ALDH5A1: variants seen among roughly 807,000 people sequenced by gnomAD.
ALDH5A1 encodes the protein aldehyde dehydrogenase 5 family member A1, also known as succinate-semialdehyde dehydrogenase, mitochondrial.
Under a neutral mutation model 54.7 loss-of-function variants are expected in ALDH5A1, and 33 were observed. The observed-to-expected ratio is 0.60, with a 90% CI of 0.46 to 0.81. The LOEUF (loss-of-function observed/expected upper bound fraction) is 0.81, where lower values mean the gene tolerates loss of function less well. Ranked by LOEUF, ALDH5A1 falls within the 30% of genes least tolerant of loss-of-function variation. The pLI is 0.00. For missense variants in ALDH5A1, 657 were observed against 711.0 expected (o/e 0.92, Z 0.86); for synonymous variants, 294 against 292.7 (o/e 1.00, Z -0.05).
chr6:24,523,941 G>A (rs1581820802), intron 7 of ALDH5A1, among the ~76,000 whole-genome samples: 1 of 150,018 alleles, frequency 6.7e-6, no homozygotes, highest in African/African-American at 2.4e-5. Context: ...CCATTTTGGA[G>A]TCACAAGAAA....
intron 5 of ALDH5A1, among the ~76,000 whole-genome samples, chr6:24,519,684 C>T (rs1015244406): frequency 6.6e-6 from 1 of 151,502 alleles, no homozygotes; most frequent in African/African-American, 2.4e-5. Context: ...AGATAGACGT[C>T]CCAAATATGT....
At chr6:24,499,888 T>C (rs1228963001) in intron 1 of ALDH5A1, among the ~76,000 whole-genome samples, 2 of 152,128 alleles carry the variant, frequency 1.3e-5, no homozygotes, top group Admixed American at 1.3e-4. Context: ...CTGGATCTCA[T>C]GACCTCATGA....
chr6:24,495,369 A>AG lies in ALDH5A1; in HGVS notation c.354+24dup. ...CGCCAAGGTGAGAGAGCCCGGATGC[A>AG]GGGGGCCAGAGCTGGCCGGGGACAC... is the stretch of plus-strand genomic sequence containing the variant. On this transcript the variant is annotated intron_variant, in intron 1 of 9. Coordinates refer to ENST00000357578, the MANE Select transcript of ALDH5A1 (RefSeq NM_001080.3). 6.5e-7 allele frequency: 1 copy of AG among 1,531,172 alleles called. No individual in the cohort carries two copies. Among genetic ancestry groups the AG allele is most frequent in the Non-Finnish European group, 8.7e-7 (1 of 1,145,212 alleles). 94.8% of individuals were successfully genotyped at this position (1,531,172 alleles called of 1,614,324 possible).
chr6:24,523,011 G>T, intron 7 of ALDH5A1, 86 bp downstream of exon 7: 1 of 1,229,440 alleles, frequency 8.1e-7, no homozygotes, highest in Non-Finnish European at 1.1e-6. Context: ...TGGCTGGAGG[G>T]GTGGGGATAG....
chr6:24,520,671 CCCA>C (rs756141589), intron 6 of ALDH5A1, 127 bp downstream of exon 6: 22 of 1,375,266 alleles, frequency 1.6e-5, no homozygotes, highest in Non-Finnish European at 2.2e-5. Context: ...TTACAAAGAT[CCCA>C]CCACCTCTAC....
chr6:24,513,953 C>T (rs1055722050), intron 4 of ALDH5A1, among the ~76,000 whole-genome samples: 1 of 152,180 alleles, frequency 6.6e-6, no homozygotes, highest in Non-Finnish European at 1.5e-5. Context: ...TTGTGAATGT[C>T]TCTGAGATTT....
chr6:24,514,843 G>A (rs1397471058), intron 4 of ALDH5A1, among the ~76,000 whole-genome samples: 1 of 151,938 alleles, frequency 6.6e-6, no homozygotes, highest in Non-Finnish European at 1.5e-5. Context: ...CGCAACCTTG[G>A]CTCACTGCAA....
rs998286623 is a variant in ALDH5A1, at chr6:24,509,622, G to A, written c.726+4637G>A. On this transcript the variant is annotated intron_variant, in intron 4 of 9. Coordinates refer to ENST00000357578, the MANE Select transcript of ALDH5A1 (RefSeq NM_001080.3). The surrounding 1 kb of genome is among the most constrained non-coding windows in gnomAD (Gnocchi z 4.7). ...GTTTATGTGTGTAAAGGTGTTCAGA[G>A]TAGCCTTGAATGATCTTTTGTACTT... Among the ~76,000 whole-genome samples, 1 of 152,158 alleles carries A rather than the reference G, an allele frequency of 6.6e-6. No homozygotes were observed. The highest frequency in any genetic ancestry group is 2.4e-5 in the African/African-American group (1 of 41,438).
At position 24,525,468 on chromosome 6, in the gene ALDH5A1, C is replaced by T. The variant is rs562540416; in HGVS notation, c.1174-2529C>T. ...AATCCCAGCATTTGGGAAGCTGAGG[C>T]GGGTGGGTCACTTGAGGTCAGGAGT... On this transcript the variant is annotated intron_variant, in intron 7 of 9. Coordinates refer to ENST00000357578, the MANE Select transcript of ALDH5A1 (RefSeq NM_001080.3). Among the ~76,000 whole-genome samples, 12 of 151,014 alleles carry T rather than the reference C, an allele frequency of 7.9e-5. No individual in the cohort carries two copies. The East Asian group carries it at 1.4e-3, about 17-fold the overall frequency.
intron 8 of ALDH5A1, among the ~76,000 whole-genome samples, chr6:24,529,314 G>A (rs1287807268): frequency 6.6e-6 from 1 of 151,698 alleles, no homozygotes; most frequent in African/African-American, 2.4e-5. Context: ...CTACAGGCAT[G>A]TGCCACCACA....
chr6:24,519,179 A>G (rs896216840), intron 5 of ALDH5A1, among the ~76,000 whole-genome samples: 39 of 152,002 alleles, frequency 2.6e-4, no homozygotes, highest in African/African-American at 8.9e-4. Flanking sequence ...TTTTAATGGC[A>G]AGGATGGAAA....
chr6:24,497,594 C>G (rs1179759529), intron 1 of ALDH5A1, among the ~76,000 whole-genome samples: 1 of 148,472 alleles, frequency 6.7e-6, no homozygotes, highest in Non-Finnish European at 1.5e-5. Flanking sequence ...AGTCCCCACT[C>G]GACCCAGGAA....
chr6:24,495,299 C>T lies in ALDH5A1; in HGVS notation c.303C>T (p.Ala101=), dbSNP rs764445443. Residue 101 remains alanine (A), a synonymous_variant, in exon 1 of 10, where the codon GCC becomes GCT. Coordinates refer to ENST00000357578, the MANE Select transcript of ALDH5A1 (RefSeq NM_001080.3). ...ADCGVREARA[A]VRAAYEAFCR... ...GCGGGGTGCGAGAGGCCCGCGCCGC[C>T]GTGCGCGCTGCCTACGAGGCTTTCT... 2 of 1,533,220 alleles carry T rather than the reference C, an allele frequency of 1.3e-6. No homozygotes were observed. The highest frequency in any genetic ancestry group is 1.7e-6 in the Non-Finnish European group (2 of 1,146,444). 95.0% of individuals were successfully genotyped at this position (1,533,220 alleles called of 1,614,324 possible).
intron 4 of ALDH5A1, 120 bp downstream of exon 4, chr6:24,505,105 G>A: frequency 9.8e-7 from 1 of 1,020,734 alleles, no homozygotes; most frequent in South Asian, 1.3e-5. Flanking sequence ...GATGCATGGT[G>A]TTGTGTATTA....
At chr6:24,500,462 C>A (rs554266111) in intron 1 of ALDH5A1, among the ~76,000 whole-genome samples, 31 of 152,026 alleles carry the variant, frequency 2.0e-4, no homozygotes, top group African/African-American at 7.0e-4. Context: ...TATGAGGTAC[C>A]TAGAGTTGTC....
chr6:24,529,869 G>A (rs1171402811), intron 8 of ALDH5A1, among the ~76,000 whole-genome samples: 4 of 150,560 alleles, frequency 2.7e-5, no homozygotes, highest in South Asian at 2.1e-4. Context: ...ACAGGGTTTC[G>A]CCATGTTGGC....
In ALDH5A1 at chr6:24,532,286, G is replaced by A. The variant is rs1037254107; in HGVS notation, c.1402+109G>A. The A allele has an allele frequency of 3.6e-6, 4 of 1,111,922 alleles. No homozygotes were observed. In the African/African-American group the frequency reaches 6.1e-5, roughly 17 times the overall value. 68.9% of individuals were successfully genotyped at this position (1,111,922 alleles called of 1,614,324 possible). ...GGTTTTGAGACAGAAACTTCAATGA[G>A]GTATGTGTTTTGTTGCTTTCCAAGT... On this transcript the variant is annotated intron_variant, in intron 9 of 9. Transcript: ENST00000357578.
intron 1 of ALDH5A1, 24 bp from the exon 2 acceptor site, chr6:24,502,499 T>G: frequency 6.4e-7 from 1 of 1,551,752 alleles, no homozygotes; most frequent in Admixed American, 1.7e-5. Flanking sequence ...TTATTACTTT[T>G]CTGCCTTGTT....
intron 4 of ALDH5A1, among the ~76,000 whole-genome samples, chr6:24,507,274 G>A (rs1436196829): frequency 2.6e-5 from 4 of 151,742 alleles, no homozygotes; most frequent in Non-Finnish European, 4.4e-5. Context: ...TGGGCCTATC[G>A]TGCTTATAAA....
Sources: allele counts gnomAD v4.1 joint callset (sites outside exome capture counted in the v4.1 genomes callset), GRCh38; gene constraint gnomAD v4.1.1; non-coding constraint Gnocchi (gnomAD v3.1); transcripts MANE v1.5; gene names NCBI Gene and HGNC (gene_info 2026-07-23, HGNC 2026-07-21).